Variants in AHCTF1 observed in about 807,000 individuals in gnomAD.
AHCTF1 encodes the protein protein ELYS.
A neutral mutation model predicts 248.4 loss-of-function variants in AHCTF1; 24 were observed. The observed-to-expected ratio is 0.10, with a 90% CI of 0.07 to 0.14. The LOEUF (loss-of-function observed/expected upper bound fraction) is 0.14. Among genes scored for constraint, AHCTF1 ranks in the 10% least tolerant of loss-of-function variants. The pLI is 1.00. For missense variants in AHCTF1, 2,206 were observed against 2,636.2 expected (o/e 0.84, Z 3.57); for synonymous variants, 786 against 929.8 (o/e 0.85, Z 2.81).
At position 246,863,988 on chromosome 1, in the gene AHCTF1, C is replaced by T. The variant is rs1028071266; in HGVS notation, c.3476G>A (p.Gly1159Glu). 4 of 1,613,938 alleles carry T rather than the reference C, an allele frequency of 2.5e-6. No homozygotes were observed. The African/African-American group carries it at 5.3e-5, about 22-fold the overall frequency. The change falls in exon 27 of 36, where the codon GGA (glycine) becomes GAA (glutamate). Residue 1159 changes from glycine to glutamate, a missense_variant. Around this residue, in one of 6 missense-constraint regions of AHCTF1, gnomAD observed 955 missense variants for 1,055.6 expected, o/e 0.90. Transcript: ENST00000648844. The part of the protein sequence containing the change: ...RSLPSSSQLK[G>E]SPQAISRASE... ...AGCCCTGGAGATGGCCTGAGGCGAT[C>T]CTTTTAATTGCGAACTTGAGGGCAG...
chr1:246,868,976 C>T (rs1416550342), intron 24 of AHCTF1, among the ~76,000 whole-genome samples: 2 of 142,900 alleles, frequency 1.4e-5, no homozygotes, highest in African/African-American at 2.7e-5. Context: ...TGCTGAGTAG[C>T]TGGGACTACA....
chr1:246,851,327 A>G lies in AHCTF1; in HGVS notation c.4679T>C (p.Ile1560Thr). Residue 1560 changes from isoleucine to threonine, a missense_variant, in exon 33 of 36, where the codon ATT (isoleucine) becomes ACT (threonine). By Grantham distance (89) the Ile-to-Thr change is moderately conservative. This residue lies in a region of AHCTF1 where 955 missense variants were observed against 1,055.6 expected (regional missense o/e 0.90). Transcript: ENST00000648844. ...TLKLQYNFDT[I>T]DQQFCDLADN... ...AGCTAAGTCACAAAACTGTTGGTCA[A>G]TAGTATCAAAATTGTACTGAAGCTT... is the stretch of plus-strand genomic sequence containing the variant. 6.2e-7 allele frequency: 1 copy of G among 1,614,152 alleles called. No individual in the cohort carries two copies.
At position 246,903,551 on chromosome 1, in the gene AHCTF1, C is replaced by T. The variant is rs142196581; in HGVS notation, c.966+398G>A. On this transcript the variant is annotated intron_variant, in intron 7 of 35. Coordinates refer to ENST00000648844, the MANE Select transcript of AHCTF1 (RefSeq NM_001323342.2). The stretch of plus-strand genomic sequence containing the variant: ...CAATATAAGAATCGCTTTTCACAGC[C>T]AGGTGCGGTGGCTCACACCTGTAAT... 6.6e-4 allele frequency among the ~76,000 whole-genome samples: 101 copies of T among 152,044 alleles called. No homozygotes were observed. The East Asian group carries it at 0.018, about 27-fold the overall frequency.
intron 20 of AHCTF1, 132 bp downstream of exon 20, chr1:246,887,079 G>T: frequency 2.0e-6 from 2 of 984,446 alleles, no homozygotes; most frequent in South Asian, 1.9e-5. Context: ...TAAAGGTACT[G>T]ATTAAACTGG....
In AHCTF1 at chr1:246,902,658, T is replaced by C. The variant is rs1343883408; in HGVS notation, c.984A>G (p.Glu328=). ...QILYEGLEYC[E]ERYTLDLTGG... Reference sequence around the variant, plus strand: ...CTGTCAGGTCCAGGGTGTATCTTTCTTCACAGTATTCTAACCCCTGTAACA... The same window carrying C: ...CTGTCAGGTCCAGGGTGTATCTTTCCTCACAGTATTCTAACCCCTGTAACA... Residue 328 remains glutamate (E), a synonymous_variant, in exon 8 of 36, where the codon GAA becomes GAG. Transcript: ENST00000648844. The C allele has an allele frequency of 1.1e-5, 17 of 1,612,934 alleles. No homozygotes were observed. The highest frequency in any genetic ancestry group is 1.4e-5 in the Non-Finnish European group (17 of 1,179,480).
rs1464043951 is a variant in AHCTF1, at chr1:246,877,279, A to G, written c.2684T>C (p.Phe895Ser). The G allele has an allele frequency of 6.2e-7, 1 of 1,602,456 alleles. No homozygotes were observed. Among genetic ancestry groups the G allele is most frequent in the Non-Finnish European group, 8.5e-7 (1 of 1,176,352 alleles). ...FNRCMVEAWN[F>S]LRQHCNRLNI... ...CAACCTATTGCAATGTTGCCGCAAAAAATTCCAGGCTTCAACCATACACCT... is the reference window on the plus strand; with the variant it reads ...CAACCTATTGCAATGTTGCCGCAAAGAATTCCAGGCTTCAACCATACACCT... Residue 895 changes from phenylalanine to serine, a missense_variant, in exon 22 of 36, where the codon TTT becomes TCT. Around this residue, in one of 6 missense-constraint regions of AHCTF1, gnomAD observed 650 missense variants for 870.8 expected, o/e 0.75. Transcript: ENST00000648844.
chr1:246,908,291 A>C (rs973145925), intron 4 of AHCTF1, among the ~76,000 whole-genome samples: 1 of 151,010 alleles, frequency 6.6e-6, no homozygotes, highest in Middle Eastern at 3.4e-3. Context: ...AAACACATTA[A>C]ATATGCCAAA....
chr1:246,852,959 C>A (rs1337349771), intron 32 of AHCTF1, 132 bp downstream of exon 32: 6 of 643,608 alleles, frequency 9.3e-6, no homozygotes, highest in South Asian at 2.3e-5. Flanking sequence ...TTTTTTGAAC[C>A]CATATTTTTA....
At chr1:246,930,767 G>A (rs1035335102) in intron 1 of AHCTF1, among the ~76,000 whole-genome samples, 2 of 152,116 alleles carry the variant, frequency 1.3e-5, no homozygotes, top group South Asian at 2.1e-4. Flanking sequence ...AATAAATATC[G>A]TTTAGGATTT....
intron 29 of AHCTF1, among the ~76,000 whole-genome samples, chr1:246,858,426 A>T (rs1486290698): frequency 1.3e-5 from 2 of 152,220 alleles, no homozygotes; most frequent in Non-Finnish European, 2.9e-5. Context: ...CTAAGGTTAT[A>T]CTGCGTATCC....
chr1:246,918,421 A>G (rs746177702), intron 1 of AHCTF1, 44 bp from the exon 2 acceptor site: 1 of 1,558,080 alleles, frequency 6.4e-7, no homozygotes, highest in Non-Finnish European at 8.7e-7. Flanking sequence ...ACACATTTGT[A>G]GACAATATAC....
At chr1:246,919,444 TG>T (rs1666366130) in intron 1 of AHCTF1, among the ~76,000 whole-genome samples, 1 of 151,878 alleles carries the variant, frequency 6.6e-6, no homozygotes, top group Non-Finnish European at 1.5e-5. Flanking sequence ...CCGGGCGTGG[TG>T]GCTCACGCCT....
At chr1:246,922,381 T>C (rs952806957) in intron 1 of AHCTF1, among the ~76,000 whole-genome samples, 2 of 151,580 alleles carry the variant, frequency 1.3e-5, no homozygotes. Context: ...AAAAGACACG[T>C]GCAAGAAGGC....
chr1:246,881,894 C>T (rs1054565215), intron 21 of AHCTF1, among the ~76,000 whole-genome samples: 2 of 151,230 alleles, frequency 1.3e-5, no homozygotes, highest in Non-Finnish European at 2.9e-5. Context: ...TCCTACGTTG[C>T]CCGGCCTGAT....
At chr1:246,879,315 G>A (rs548676248) in intron 21 of AHCTF1, among the ~76,000 whole-genome samples, 31 of 152,206 alleles carry the variant, frequency 2.0e-4, no homozygotes, top group Non-Finnish European at 2.8e-4. Flanking sequence ...CATAGCATAC[G>A]GTAATTGAGA....
chr1:246,843,710 TTAAATAAAA>T, intron 34 of AHCTF1, 76 bp downstream of exon 34: 2 of 976,230 alleles, frequency 2.0e-6, no homozygotes, highest in Non-Finnish European at 2.6e-6. Context: ...TCATTAAAAT[TTAAATAAAA>T]TAATTTTATT....
chr1:246,854,168 G>A (rs537506045), intron 31 of AHCTF1, among the ~76,000 whole-genome samples: 14 of 151,980 alleles, frequency 9.2e-5, no homozygotes, highest in African/African-American at 3.1e-4. Flanking sequence ...GCGTGGTGGC[G>A]GGCACCTGTA....
intron 21 of AHCTF1, among the ~76,000 whole-genome samples, chr1:246,877,876 A>T (rs1163635624): frequency 6.6e-6 from 1 of 152,166 alleles, no homozygotes; most frequent in Non-Finnish European, 1.5e-5. Context: ...TCTTACACAG[A>T]AGTCTTCCAG....
At chr1:246,853,596 G>C (rs980581141) in intron 31 of AHCTF1, among the ~76,000 whole-genome samples, 1 of 152,170 alleles carries the variant, frequency 6.6e-6, no homozygotes, top group Non-Finnish European at 1.5e-5. Context: ...ATCTGAAACT[G>C]TATTCACCAG....
Sources: allele counts gnomAD v4.1 joint callset (sites outside exome capture counted in the v4.1 genomes callset), GRCh38; gene constraint gnomAD v4.1.1; regional missense constraint gnomAD v4.1.1; transcripts MANE v1.5; gene names NCBI Gene and HGNC (gene_info 2026-07-23, HGNC 2026-07-21).